SLC12A7: variants seen among roughly 807,000 people sequenced by gnomAD.
SLC12A7 encodes K-Cl cotransporter 4.
In SLC12A7, 100 loss-of-function variants were observed where a neutral mutation model predicts 120.6. That is an observed-to-expected ratio of 0.83 (90% confidence interval 0.71 to 0.98). SLC12A7 has a LOEUF of 0.98. Ranked by LOEUF, SLC12A7 falls within the 50% of genes least tolerant of loss-of-function variation. SLC12A7 has a pLI of 0.00. For missense variants in SLC12A7, 1,373 were observed against 1,548.1 expected, an observed-to-expected ratio of 0.89 and a Z score of 1.90; for synonymous variants, 760 against 678.0, an observed-to-expected ratio of 1.12 and a Z score of -1.88.
At position 1,077,925 on chromosome 5, in the gene SLC12A7, A is replaced by G; in HGVS notation, c.1537T>C (p.Phe513Leu). 1.9e-6 allele frequency: 3 copies of G among 1,601,604 alleles called. No individual in the cohort carries two copies. The highest frequency in any genetic ancestry group is 1.1e-5 in the South Asian group (1 of 89,262). ...TGCAGGCCGGCACCGCAGGTGGAGA[A>G]GAAGGAGCCGATGACGATGACCCAG... ...SPWVIVIGSF[F>L]STCGAGLQSL... The change falls in exon 12 of 24, where the codon TTC (phenylalanine) becomes CTC (leucine). Residue 513 changes from phenylalanine (F) to leucine (L), a missense_variant. By Grantham distance (22) the Phe-to-Leu change is conservative. Transcript: ENST00000264930.
chr5:1,070,008 C>G lies in SLC12A7; in HGVS notation c.2241+3625G>C, dbSNP rs556066796. On this transcript the variant is annotated intron_variant, in intron 17 of 23. Transcript: ENST00000264930. ...CACTTAACGCAGCCCCCAGTGAGCC[C>G]CCAGCACACGGGCATCACACTTATG... Among the ~76,000 whole-genome samples the G allele has an allele frequency of 4.2e-3, 273 of 65,310 alleles. 12 individuals are homozygous for G. Among genetic ancestry groups the G allele is most frequent in the African/African-American group, 0.01 (252 of 24,280 alleles). The allele number at this position is 65,310 out of a possible 152,430, so 42.8% of individuals were successfully genotyped here.
chr5:1,105,237 G>A (rs919318871), intron 1 of SLC12A7, among the ~76,000 whole-genome samples: 27 of 147,244 alleles, frequency 1.8e-4, no homozygotes, highest in African/African-American at 6.6e-4. Flanking sequence ...ATGAGGTCCT[G>A]CAGTCACCCA....
intron 1 of SLC12A7, among the ~76,000 whole-genome samples, chr5:1,107,314 T>G (rs967047760): frequency 1.3e-5 from 2 of 152,192 alleles, no homozygotes; most frequent in Non-Finnish European, 2.9e-5. Context: ...CTTTCTGTGC[T>G]TTACAAAGGC....
At chr5:1,135,469 T>C in the SLC12A7 span, among the ~76,000 whole-genome samples, 11,002 of 152,138 alleles carry the variant, frequency 0.072, 666 homozygotes, top group African/African-American at 0.16. Context: ...CAACTGTGGG[T>C]GATGTCACCT....
At chr5:1,070,036 GC>G (rs1268632758) in intron 17 of SLC12A7, among the ~76,000 whole-genome samples, 440 of 7,462 alleles carry the variant, frequency 0.059, 19 homozygotes, top group East Asian at 0.16. Context: ...CACTTATGCA[GC>G]CCCCAGTGAG....
At position 1,052,369 on chromosome 5, in the gene SLC12A7, G is replaced by A. The variant is rs1735134462; in HGVS notation, c.3243C>T (p.Ile1081=). 1 of 1,612,538 alleles carries A rather than the reference G, an allele frequency of 6.2e-7. No individual in the cohort carries two copies. Among genetic ancestry groups the A allele is most frequent in the Admixed American group, 1.7e-5 (1 of 60,002 alleles). Residue 1081 remains isoleucine (I), a synonymous_variant, in exon 24 of 24, where the codon ATC becomes ATT. Transcript: ENST00000264930. The part of the protein sequence containing the change: ...VRGGGREVIT[I]YS ...GTGATGCTGTTGGGCATTAGGAGTA[G>A]ATGGTGATCACCTCCCGGCCGCCAC...
chr5:1,153,631 C>T, the SLC12A7 span, among the ~76,000 whole-genome samples: 11 of 152,190 alleles, frequency 7.2e-5, no homozygotes, highest in Admixed American at 3.3e-4. Flanking sequence ...TGCCACAAGC[C>T]GTGTTGTCAA....
intron 1 of SLC12A7, among the ~76,000 whole-genome samples, chr5:1,111,487 G>A (rs531166064): frequency 4.3e-4 from 66 of 152,258 alleles, no homozygotes; most frequent in African/African-American, 1.3e-3. Context: ...GGGGACGCAG[G>A]ACGCCCCGGC....
intron 1 of SLC12A7, among the ~76,000 whole-genome samples, chr5:1,105,372 G>A (rs1360782801): frequency 1.4e-5 from 2 of 147,126 alleles, no homozygotes; most frequent in Admixed American, 1.3e-4. Flanking sequence ...TCCCTGCAGG[G>A]ATGAGGTCCT....
chr5:1,089,269 A>T, intron 3 of SLC12A7, 141 bp from the exon 4 acceptor site: 1 of 849,942 alleles, frequency 1.2e-6, no homozygotes, highest in Non-Finnish European at 1.8e-6. Flanking sequence ...GAACAGATGG[A>T]GGTTCAGAGA....
At chr5:1,130,052 T>C in the SLC12A7 span, among the ~76,000 whole-genome samples, 1 of 152,132 alleles carries the variant, frequency 6.6e-6, no homozygotes, top group South Asian at 2.1e-4. Context: ...AGTTTTGATA[T>C]CTCCTCCACG....
At chr5:1,136,740 CCAA>C in the SLC12A7 span, among the ~76,000 whole-genome samples, 1 of 141,620 alleles carries the variant, frequency 7.1e-6, no homozygotes, top group Non-Finnish European at 1.5e-5. Context: ...TGCTCAGACA[CCAA>C]CACCAGGACA....
chr5:1,091,782 G>C (rs1740541979), intron 3 of SLC12A7, among the ~76,000 whole-genome samples: 1 of 151,704 alleles, frequency 6.6e-6, no homozygotes, highest in Admixed American at 6.6e-5. Flanking sequence ...GAAAGGTGCT[G>C]AGTGCTGAGC....
chr5:1,082,493 G>A (rs1194108530), intron 8 of SLC12A7, among the ~76,000 whole-genome samples: 15 of 114,818 alleles, frequency 1.3e-4, no homozygotes, highest in Non-Finnish European at 1.2e-4. Flanking sequence ...GGGCTTCCCC[G>A]TCTCGGGTTC....
At chr5:1,096,473 T>C (rs947665121) in intron 1 of SLC12A7, among the ~76,000 whole-genome samples, 1 of 152,012 alleles carries the variant, frequency 6.6e-6, no homozygotes, top group Non-Finnish European at 1.5e-5. Context: ...TATAGGTGTC[T>C]TTCCAAGATG....
intron 21 of SLC12A7, among the ~76,000 whole-genome samples, chr5:1,059,297 G>C (rs1187394791): frequency 1.3e-5 from 2 of 152,220 alleles, no homozygotes; most frequent in South Asian, 4.1e-4. Flanking sequence ...CTCTGTTGGG[G>C]GAGAGCAGCA....
intron 1 of SLC12A7, among the ~76,000 whole-genome samples, chr5:1,094,527 C>T (rs1176476886): frequency 6.6e-6 from 1 of 152,222 alleles, no homozygotes; most frequent in East Asian, 1.9e-4. Context: ...CACAAGCTAT[C>T]CCCAGAACAC....
chr5:1,075,518 G>C, intron 14 of SLC12A7, 28 bp from the exon 15 acceptor site: 3 of 1,595,522 alleles, frequency 1.9e-6, no homozygotes, highest in Non-Finnish European at 2.6e-6. Flanking sequence ...GGCTCGGGGC[G>C]GCCCAACGCC....
chr5:1,068,595 C>T (rs1737298661), intron 17 of SLC12A7, among the ~76,000 whole-genome samples: 2 of 152,248 alleles, frequency 1.3e-5, no homozygotes, highest in African/African-American at 4.8e-5. Context: ...TGGCTCCAGC[C>T]CTCGCAACCA....
Sources: gnomAD v4.1 joint callset for allele counts (sites outside exome capture counted in the v4.1 genomes callset) on GRCh38, gnomAD v4.1.1 for gene constraint, MANE v1.5 for transcripts, NCBI Gene and HGNC (gene_info 2026-07-23, HGNC 2026-07-21) for gene names.